Variants in SHMT1 observed in about 807,000 individuals in gnomAD.
The protein encoded by SHMT1 is serine hydroxymethyltransferase 1, also known as serine hydroxymethyltransferase, cytosolic.
Under a neutral mutation model 49.0 loss-of-function variants are expected in SHMT1, and 45 were observed. The ratio of observed to expected loss-of-function variants is 0.92; its 90% CI spans 0.72 to 1.18. The LOEUF is 1.18. Among genes scored for constraint, SHMT1 ranks in the 50% most tolerant of loss-of-function variants. SHMT1 has a pLI of 0.00. For synonymous variants in SHMT1, 232 were observed against 246.6 expected (o/e 0.94, Z 0.55); for missense variants, 541 against 612.4 (o/e 0.88, Z 1.23).
chr17:18,348,006 C>T (rs935648562), intron 4 of SHMT1, among the ~76,000 whole-genome samples: 5 of 151,850 alleles, frequency 3.3e-5, no homozygotes, highest in African/African-American at 7.3e-5. Context: ...CTGCAACCTC[C>T]GCCTCCCAGG....
chr17:18,359,559 T>C (rs1433000216), intron 1 of SHMT1, among the ~76,000 whole-genome samples: 1 of 151,046 alleles, frequency 6.6e-6, no homozygotes, highest in Non-Finnish European at 1.5e-5. Context: ...ACCTGAGGCA[T>C]GAGACTTACT....
At chr17:18,337,739 T>A (rs1209832204) in intron 7 of SHMT1, among the ~76,000 whole-genome samples, 1 of 151,958 alleles carries the variant, frequency 6.6e-6, no homozygotes, top group Admixed American at 6.5e-5. Context: ...GCCTGACTGG[T>A]TTTCGTATTT....
chr17:18,338,084 G>A (rs1009801829), intron 7 of SHMT1, among the ~76,000 whole-genome samples: 2 of 151,378 alleles, frequency 1.3e-5, no homozygotes, highest in Non-Finnish European at 3.0e-5. Flanking sequence ...TCTGGGAAGT[G>A]AGGAGCGCCT....
intron 5 of SHMT1, among the ~76,000 whole-genome samples, chr17:18,342,127 G>C (rs1984585487): frequency 6.6e-6 from 1 of 152,122 alleles, no homozygotes; most frequent in Non-Finnish European, 1.5e-5. Context: ...ATTCACAATA[G>C]CCAAGTTATG....
chr17:18,331,237 AGC>A, intron 9 of SHMT1: 1 of 220,686 alleles, frequency 4.5e-6, no homozygotes, highest in Non-Finnish European at 9.1e-6. Context: ...ACCTTCATTA[AGC>A]TGGGGTAGTG....
chr17:18,346,183 C>T (rs1567783575), intron 5 of SHMT1, among the ~76,000 whole-genome samples: 1 of 152,018 alleles, frequency 6.6e-6, no homozygotes, highest in Non-Finnish European at 1.5e-5. Context: ...GCACCCAAGA[C>T]CATGCAATGC....
chr17:18,337,156 A>T (rs1598024338), intron 7 of SHMT1, among the ~76,000 whole-genome samples: 1 of 152,206 alleles, frequency 6.6e-6, no homozygotes, highest in Non-Finnish European at 1.5e-5. Flanking sequence ...TCAAAACAGC[A>T]GTCCAAAGGG....
rs9897954 is a variant in SHMT1, at chr17:18,340,324, G to A, written c.602-69C>T. 14,995 of 1,469,044 alleles carry A rather than the reference G, an allele frequency of 0.01. 442 individuals carry two copies. Among genetic ancestry groups the A allele is most frequent in the African/African-American group, 0.1 (7,271 of 72,196 alleles). 91.0% of individuals were successfully genotyped at this position (1,469,044 alleles called of 1,614,324 possible). On this transcript the variant is annotated intron_variant, in intron 6 of 11. Transcript: ENST00000316694. The surrounding 1 kb of genome is among the most constrained non-coding windows in gnomAD (Gnocchi z 4.5). Reference sequence around the variant, plus strand: ...GGCCAGCTGAGTTGGCTTCACAGTGGCCTCTAGATGTGCAGATCTGAAAGC... The same window carrying A: ...GGCCAGCTGAGTTGGCTTCACAGTGACCTCTAGATGTGCAGATCTGAAAGC...
At position 18,328,834 on chromosome 17, in the gene SHMT1, C is replaced by T. The variant is rs752285121; in HGVS notation, c.1368G>A (p.Lys456=). The part of the protein sequence containing the change: ...KEFKERLAGD[K]YQAAVQALRE... ...GGAGAGCCTGCACGGCCGCCTGGTACTTATCCCCTGCCAGTCTCTCCTTGA... is the reference window on the plus strand; with the variant it reads ...GGAGAGCCTGCACGGCCGCCTGGTATTTATCCCCTGCCAGTCTCTCCTTGA... Residue 456 remains lysine, a synonymous_variant, in exon 12 of 12, where the codon AAG becomes AAA. Coordinates refer to ENST00000316694, the MANE Select transcript of SHMT1 (RefSeq NM_004169.5). 3.1e-6 allele frequency: 5 copies of T among 1,613,718 alleles called. No homozygotes were observed. Among genetic ancestry groups the T allele is most frequent in the Non-Finnish European group, 4.2e-6 (5 of 1,180,012 alleles).
At chr17:18,329,539 G>A (rs1598009562) in intron 10 of SHMT1, 151 bp from the exon 11 acceptor site, 1 of 692,912 alleles carries the variant, frequency 1.4e-6, no homozygotes, top group East Asian at 2.7e-5. Flanking sequence ...AACTAAAGTA[G>A]AACCCAAGGC....
chr17:18,338,451 C>T (rs1353370997), intron 7 of SHMT1, among the ~76,000 whole-genome samples: 1 of 150,792 alleles, frequency 6.6e-6, no homozygotes, highest in African/African-American at 2.4e-5. Context: ...GGTGGGGGGG[C>T]GCCTCTGCCC....
intron 3 of SHMT1, among the ~76,000 whole-genome samples, chr17:18,351,837 G>T (rs1985737603): frequency 6.6e-6 from 1 of 151,812 alleles, no homozygotes; most frequent in South Asian, 2.1e-4. Context: ...TTAAGTTGTG[G>T]TTTTTCGGGG....
At chr17:18,341,005 C>A in intron 5 of SHMT1, 192 bp from the exon 6 acceptor site, 1 of 628,186 alleles carries the variant, frequency 1.6e-6, no homozygotes. Context: ...ACCCAGGAGT[C>A]CCTGAGGAGT....
chr17:18,358,783 G>C (rs1488404108), intron 1 of SHMT1, among the ~76,000 whole-genome samples: 1 of 151,954 alleles, frequency 6.6e-6, no homozygotes, highest in Non-Finnish European at 1.5e-5. Flanking sequence ...TGCATCTGTA[G>C]TCCCAGCTAT....
chr17:18,360,879 A>G (rs897796694), intron 1 of SHMT1, among the ~76,000 whole-genome samples: 21 of 152,092 alleles, frequency 1.4e-4, no homozygotes, highest in African/African-American at 4.8e-4. Flanking sequence ...TAAAGAAAGA[A>G]AAAAAAGCGG....
In SHMT1 at chr17:18,340,152, C is replaced by T. The variant is rs1320953110; in HGVS notation, c.705G>A (p.Leu235=). The T allele has an allele frequency of 1.2e-6, 2 of 1,614,122 alleles. No individual in the cohort carries two copies. The highest frequency in any genetic ancestry group is 2.7e-5 in the African/African-American group (2 of 74,940). The change falls in exon 7 of 12, where the codon CTG becomes CTA. Residue 235 remains leucine, a synonymous_variant. Transcript: ENST00000316694. This position sits in a 1 kb window ranked among gnomAD's most constrained non-coding sequence, Gnocchi z 4.5. ...LMADMAHISG[L]VAAGVVPSPF... Reference sequence around the variant, plus strand: ...GGGAGGGCACCACGCCAGCCGCCACCAGCCCGCTGATGTGAGCCATGTCCG... The same window carrying T: ...GGGAGGGCACCACGCCAGCCGCCACTAGCCCGCTGATGTGAGCCATGTCCG...
Position 18,340,720 on chromosome 17 carries a change from C to T in SHMT1, c.601+12G>A, listed in dbSNP as rs774475260. On this transcript the variant is annotated intron_variant, in intron 6 of 11. Transcript: ENST00000316694. The surrounding 1 kb of genome is among the most constrained non-coding windows in gnomAD (Gnocchi z 4.5). ...ACTGGTGAACAAGGTGACTTTCCGC[C>T]CCGCGCATCACCTGCGATGATCAGC... The T allele has an allele frequency of 1.9e-6, 3 of 1,607,994 alleles. No homozygotes were observed. Among genetic ancestry groups the T allele is most frequent in the South Asian group, 1.1e-5 (1 of 89,488 alleles).
Position 18,353,796 on chromosome 17 carries a change from CCTT to C in SHMT1, c.115_117del (p.Lys39del), listed in dbSNP as rs1985957655. The stretch of plus-strand genomic sequence containing the variant: ...AATCCAACCCTCTGCCGGTTACTCT[CCTT>C]CTTAATGATGTTGTAAACCTTATGA... On this transcript the variant is annotated inframe_deletion, in exon 3 of 12. Coordinates refer to ENST00000316694, the MANE Select transcript of SHMT1 (RefSeq NM_004169.5). 2 of 1,614,184 alleles carry C rather than the reference CCTT, an allele frequency of 1.2e-6. No individual in the cohort carries two copies. Among genetic ancestry groups the C allele is most frequent in the Non-Finnish European group, 1.7e-6 (2 of 1,180,014 alleles).
chr17:18,350,309 C>G (rs1209123219), intron 3 of SHMT1, among the ~76,000 whole-genome samples: 1 of 151,702 alleles, frequency 6.6e-6, no homozygotes, highest in Non-Finnish European at 1.5e-5. Context: ...CCAGCCTGGG[C>G]GACAGAGTGA....
Sources: gnomAD v4.1 joint callset for allele counts (sites outside exome capture counted in the v4.1 genomes callset) on GRCh38, gnomAD v4.1.1 for gene constraint, Gnocchi (gnomAD v3.1) non-coding constraint, MANE v1.5 for transcripts, NCBI Gene and HGNC (gene_info 2026-07-23, HGNC 2026-07-21) for gene names.